OR7A17: variants seen among roughly 807,000 people sequenced by gnomAD.
OR7A17 encodes olfactory receptor family 7 subfamily A member 17.
For synonymous variants in OR7A17, 159 were observed against 142.1 expected (o/e 1.12, Z -0.85); for missense variants, 366 against 365.5 (o/e 1.00, Z -0.01).
chr19:14,884,203 G>A (rs753329639), intron 1 of OR7A17, among the ~76,000 whole-genome samples: 8 of 151,962 alleles, frequency 5.3e-5, no homozygotes, highest in East Asian at 1.9e-4. Flanking sequence ...TTTAACTAAC[G>A]CAAGAAAAAA....
intron 1 of OR7A17, among the ~76,000 whole-genome samples, chr19:14,885,628 A>G (rs1294730447): frequency 6.6e-6 from 1 of 152,236 alleles, no homozygotes; most frequent in Admixed American, 6.5e-5. Flanking sequence ...AAGAGAGGAC[A>G]CAAACAAATG....
In OR7A17 at chr19:14,881,218, G is replaced by C; in HGVS notation, c.138C>G (p.Ile46Met). The C allele has an allele frequency of 6.2e-7, 1 of 1,613,984 alleles. No individual in the cohort carries two copies. Among genetic ancestry groups the C allele is most frequent in the Non-Finnish European group, 8.5e-7 (1 of 1,179,984 alleles). Reference sequence around the variant, plus strand: ...GGTGGGAGTCTGAGATTGTGGCCAGGATGATGAGCAGATTCCCGAGCACAG... The same window carrying C: ...GGTGGGAGTCTGAGATTGTGGCCAGCATGATGAGCAGATTCCCGAGCACAG... ...LVTVLGNLLI[I>M]LATISDSHLH... Residue 46 changes from isoleucine (I) to methionine (M), a missense_variant, in exon 3 of 3, where the codon ATC becomes ATG. Ile to Met is a conservative substitution (Grantham distance 10). Transcript: ENST00000641113.
chr19:14,881,580 G>A (rs974049307), intron 2 of OR7A17, 29 bp from the exon 3 acceptor site: 2 of 239,114 alleles, frequency 8.4e-6, no homozygotes, highest in Non-Finnish European at 1.6e-5. Context: ...ATATGACAAT[G>A]TAATTATGCA....
intron 1 of OR7A17, among the ~76,000 whole-genome samples, chr19:14,883,535 G>A (rs1198857918): frequency 6.6e-6 from 1 of 151,866 alleles, no homozygotes; most frequent in African/African-American, 2.4e-5. Flanking sequence ...TTTCATCCTT[G>A]AGGACATTGT....
rs1415261528 is a variant in OR7A17 at position 14,880,730 on chromosome 19, C to A, written c.626G>T (p.Gly209Val). The change falls in exon 3 of 3, where the codon GGT becomes GTT. Residue 209 changes from glycine (G) to valine (V), a missense_variant. Coordinates refer to ENST00000641113, the MANE Select transcript of OR7A17 (RefSeq NM_030901.2). ...AGAGCAAAGGATCCCCACAAGGGGA[C>A]CACCAGCCAGCAGCCCTGCTGCAAA... ...MYFAAGLLAG[G>V]PLVGILCSYS... 1 of 1,614,194 alleles carries A rather than the reference C, an allele frequency of 6.2e-7. No individual in the cohort carries two copies.
chr19:14,885,227 T>TG (rs2045130599), intron 1 of OR7A17, among the ~76,000 whole-genome samples: 1 of 152,174 alleles, frequency 6.6e-6, no homozygotes, highest in Non-Finnish European at 1.5e-5. Context: ...AAGACAAGTG[T>TG]GCCCTCTCTC....
chr19:14,884,856 A>G (rs2045129027), intron 1 of OR7A17: 1 of 152,206 alleles, frequency 6.6e-6, no homozygotes, highest in Non-Finnish European at 1.5e-5. Context: ...TCCCTGATGA[A>G]CATCAATGTG....
At chr19:14,882,629 G>A (rs1310499293) in intron 1 of OR7A17, among the ~76,000 whole-genome samples, 1 of 152,258 alleles carries the variant, frequency 6.6e-6, no homozygotes, top group African/African-American at 2.4e-5. Context: ...ACCAGATGCT[G>A]TTGCATTTGC....
At position 14,880,914 on chromosome 19, in the gene OR7A17, A is replaced by G. The variant is rs1203264870; in HGVS notation, c.442T>C (p.Ser148Pro). Reference protein sequence around the residue: ...PRLCGLLVLASWMIAALNSLS... With the variant: ...PRLCGLLVLAPWMIAALNSLS... ...GAATTCAGGGCAGCAATCATCCAGG[A>G]TGCCAGAACCAGGAGTCCACAGAGC... The change falls in exon 3 of 3, where the codon TCC (serine) becomes CCC (proline). Residue 148 changes from serine (S) to proline (P), a missense_variant. By Grantham distance (74) the Ser-to-Pro change is moderately conservative (BLOSUM62 -1). Coordinates refer to ENST00000641113, the MANE Select transcript of OR7A17 (RefSeq NM_030901.2). The G allele has an allele frequency of 1.2e-6, 2 of 1,614,214 alleles. No individual in the cohort carries two copies. The highest frequency in any genetic ancestry group is 1.7e-6 in the Non-Finnish European group (2 of 1,180,030).
Position 14,881,185 on chromosome 19 carries a change from G to T in OR7A17, c.171C>A (p.Thr57=), listed in dbSNP as rs778033778. The change falls in exon 3 of 3, where the codon ACC becomes ACA. Residue 57 remains threonine (T), a synonymous_variant. Coordinates refer to ENST00000641113, the MANE Select transcript of OR7A17 (RefSeq NM_030901.2). The part of the protein sequence containing the change: ...LATISDSHLH[T]PMYFFLSNLS... ...GGTTGGAGAGGAAGAAGTACATGGG[G>T]GTGTGGAGGTGGGAGTCTGAGATTG... 4.8e-5 allele frequency: 77 copies of T among 1,613,958 alleles called. 1 individual carries two copies. The East Asian group carries it at 1.7e-3, about 35-fold the overall frequency.
In OR7A17 at chr19:14,881,484, C is replaced by A; in HGVS notation, c.-129G>T. The A allele has an allele frequency of 1.8e-6, 1 of 543,116 alleles. No individual in the cohort carries two copies. Among genetic ancestry groups the A allele is most frequent in the Non-Finnish European group, 2.8e-6 (1 of 362,722 alleles). The allele number at this position is 543,116 out of a possible 1,614,324, so 33.6% of individuals were successfully genotyped here. Reference sequence around the variant, plus strand: ...ACTCATGCGATCCTCCCACTTCAGCCTACAAAAGTGCTGAGATTATAGGCA... The same window carrying A: ...ACTCATGCGATCCTCCCACTTCAGCATACAAAAGTGCTGAGATTATAGGCA... On this transcript the variant is annotated 5_prime_UTR_variant, in exon 3 of 3. It adds an upstream start codon to the 5' untranslated region. Coordinates refer to ENST00000641113, the MANE Select transcript of OR7A17 (RefSeq NM_030901.2).
At chr19:14,882,701 C>T (rs552136031) in intron 1 of OR7A17, among the ~76,000 whole-genome samples, 5 of 152,086 alleles carry the variant, frequency 3.3e-5, no homozygotes, top group African/African-American at 4.8e-5. Context: ...CTTTTTTTCC[C>T]GCCGTGTCTT....
chr19:14,883,760 T>C (rs1488632658), intron 1 of OR7A17, among the ~76,000 whole-genome samples: 1 of 152,222 alleles, frequency 6.6e-6, no homozygotes, highest in Non-Finnish European at 1.5e-5. Flanking sequence ...TCCAAACAAC[T>C]ATATTTTTTA....
chr19:14,881,379 T>TATTC lies in OR7A17; in HGVS notation c.-25_-24insGAAT, dbSNP rs1287972546. On this transcript the variant is annotated 5_prime_UTR_variant, in exon 3 of 3. It adds an upstream start codon to the 5' untranslated region. Transcript: ENST00000641113. Reference sequence around the variant, plus strand: ...ATCTTTTTTTTTCTATTTATTTATTTATTTATTTATTTATTTATTTATTTA... The same window carrying TATTC: ...ATCTTTTTTTTTCTATTTATTTATTTATTCATTTATTTATTTATTTATTTATTTA... The TATTC allele has an allele frequency of 9.5e-7, 1 of 1,053,016 alleles. No homozygotes were observed. Among genetic ancestry groups the TATTC allele is most frequent in the Non-Finnish European group, 1.2e-6 (1 of 836,794 alleles). The allele number at this position is 1,053,016 out of a possible 1,614,324, so 65.2% of individuals were successfully genotyped here.
At position 14,881,338 on chromosome 19, in the gene OR7A17, G is replaced by A. The variant is rs751819169; in HGVS notation, c.18C>T (p.Asp6=). The change falls in exon 3 of 3, where the codon GAC becomes GAT. Residue 6 remains aspartate, a synonymous_variant. Transcript: ENST00000641113. The stretch of plus-strand genomic sequence containing the variant: ...GAAGAACAAATTCTGAAATCCCTGT[G>A]TCATTCTCTGGTTCCATCTTTTTTT... MEPEN[D]TGISEFVLLG... 8 of 1,481,958 alleles carry A rather than the reference G, an allele frequency of 5.4e-6. No homozygotes were observed. The East Asian group carries it at 1.9e-4, about 35-fold the overall frequency. The allele number at this position is 1,481,958 out of a possible 1,614,324, so 91.8% of individuals were successfully genotyped here. A position where few individuals can be genotyped will look rare whatever the true frequency, so the allele number is the denominator to read the frequency against.
rs1258420253 is a variant in OR7A17, at chr19:14,881,063, A to G, written c.293T>C (p.Ile98Thr). 3 of 1,614,084 alleles carry G rather than the reference A, an allele frequency of 1.9e-6. No individual in the cohort carries two copies. In the African/African-American group the frequency reaches 4.0e-5, roughly 22 times the overall value. ...AAGTACAAAAAAGCACATCTGGGTG[A>G]TGCAGCCTGCATAGGTGATGACTCT... ...QSRVITYAGC[I>T]TQMCFFVLFG... is the part of the protein sequence containing the mutation. Residue 98 changes from isoleucine (I) to threonine (T), a missense_variant, in exon 3 of 3, where the codon ATC becomes ACC. Coordinates refer to ENST00000641113, the MANE Select transcript of OR7A17 (RefSeq NM_030901.2).
Position 14,880,480 on chromosome 19 carries a change from C to T in OR7A17, c.876G>A (p.Leu292=). 1.2e-6 allele frequency: 2 copies of T among 1,613,738 alleles called. No individual in the cohort carries two copies. The highest frequency in any genetic ancestry group is 8.5e-7 in the Non-Finnish European group (1 of 1,179,868). Residue 292 remains leucine, a synonymous_variant, in exon 3 of 3, where the codon CTG becomes CTA. Transcript: ENST00000641113. ...TPMLNPFIYS[L]RNKDIKRALK... is the part of the protein sequence containing the mutation. ...GAGCCCTCTTTATGTCTTTATTCCTCAGACTGTAGATAAAGGGGTTCAGCA... is the reference window on the plus strand; with the variant it reads ...GAGCCCTCTTTATGTCTTTATTCCTTAGACTGTAGATAAAGGGGTTCAGCA...
In OR7A17 at chr19:14,881,074, A is replaced by G. The variant is rs577267780; in HGVS notation, c.282T>C (p.Tyr94=). The G allele has an allele frequency of 1.2e-6, 2 of 1,614,206 alleles. No homozygotes were observed. The highest frequency in any genetic ancestry group is 1.7e-5 in the Admixed American group (1 of 60,016). ...AGCACATCTGGGTGATGCAGCCTGC[A>G]TAGGTGATGACTCTGCTCTGTGTCT... is the stretch of plus-strand genomic sequence containing the variant. ...NIQTQSRVIT[Y]AGCITQMCFF... The change falls in exon 3 of 3, where the codon TAT becomes TAC. Residue 94 remains tyrosine, a synonymous_variant. Coordinates refer to ENST00000641113, the MANE Select transcript of OR7A17 (RefSeq NM_030901.2).
chr19:14,882,889 C>T (rs780292683), intron 1 of OR7A17, among the ~76,000 whole-genome samples: 24 of 152,208 alleles, frequency 1.6e-4, no homozygotes, highest in Non-Finnish European at 1.2e-4. Context: ...GCTTTTCTCA[C>T]CCTGGTTACA....
Sources: allele counts gnomAD v4.1 joint callset (sites outside exome capture counted in the v4.1 genomes callset), GRCh38; gene constraint gnomAD v4.1.1; transcripts MANE v1.5; gene names NCBI Gene and HGNC (gene_info 2026-07-23, HGNC 2026-07-21).